The following EGFLAM variants were observed in gnomAD, a reference collection of about 807,000 sequenced individuals.
The protein encoded by EGFLAM is pikachurin.
In EGFLAM, 79 loss-of-function variants were observed where a neutral mutation model predicts 113.1. That is an observed-to-expected ratio of 0.70 (90% CI 0.58 to 0.84). The LOEUF is 0.84. EGFLAM is among the 40% of genes least tolerant of loss of function. The pLI is 0.00. For synonymous variants in EGFLAM, 504 were observed against 487.6 expected (o/e 1.03, Z -0.44); for missense variants, 1,265 against 1,291.6 (o/e 0.98, Z 0.32).
chr5:38,433,322 G>A (rs956137788), intron 15 of EGFLAM, among the ~76,000 whole-genome samples: 3 of 152,202 alleles, frequency 2.0e-5, no homozygotes, highest in Non-Finnish European at 4.4e-5. Context: ...GCTTGAGTCC[G>A]ACTATGCAAG....
At chr5:38,316,701 A>G (rs1738604738) in intron 1 of EGFLAM, among the ~76,000 whole-genome samples, 1 of 152,102 alleles carries the variant, frequency 6.6e-6, no homozygotes, top group Non-Finnish European at 1.5e-5. Flanking sequence ...CCATGTGCTC[A>G]CAGCATGCCC....
chr5:38,269,193 A>G (rs1240594407), intron 1 of EGFLAM, among the ~76,000 whole-genome samples: 1 of 152,126 alleles, frequency 6.6e-6, no homozygotes, highest in East Asian at 1.9e-4. Flanking sequence ...AGCAACAACA[A>G]CAACAACAAA....
At chr5:38,348,922 A>G (rs1001340759) in intron 3 of EGFLAM, among the ~76,000 whole-genome samples, 1 of 152,172 alleles carries the variant, frequency 6.6e-6, no homozygotes, top group Non-Finnish European at 1.5e-5. Flanking sequence ...GGCTTTAAAC[A>G]AATAGACTCC....
intron 3 of EGFLAM, 77 bp from the exon 4 acceptor site, chr5:38,350,424 A>T: frequency 1.4e-6 from 2 of 1,422,492 alleles, no homozygotes; most frequent in Non-Finnish European, 2.0e-6. Flanking sequence ...CTCGAGATAT[A>T]AACCTCATGG....
chr5:38,463,753 G>T, intron 21 of EGFLAM, 79 bp from the exon 22 acceptor site: 2 of 1,562,260 alleles, frequency 1.3e-6, no homozygotes, highest in South Asian at 1.2e-5. Flanking sequence ...CCATTCAAGT[G>T]CCCCAAACTG....
chr5:38,436,716 G>C (rs1420449646), intron 16 of EGFLAM, among the ~76,000 whole-genome samples: 2 of 152,142 alleles, frequency 1.3e-5, no homozygotes, highest in Non-Finnish European at 2.9e-5. Context: ...ACCCTCTCTT[G>C]CCTGATTCAC....
chr5:38,379,885 T>C (rs1740465760), intron 6 of EGFLAM, among the ~76,000 whole-genome samples: 1 of 151,578 alleles, frequency 6.6e-6, no homozygotes, highest in Non-Finnish European at 1.5e-5. Context: ...GCTAGCTTTG[T>C]TTGCTTTTAG....
At chr5:38,316,188 T>A (rs550965457) in intron 1 of EGFLAM, among the ~76,000 whole-genome samples, 64 of 152,198 alleles carry the variant, frequency 4.2e-4, no homozygotes, top group African/African-American at 1.4e-3. Flanking sequence ...GTTCTTTGGT[T>A]GGTTGGTTGC....
At chr5:38,281,601 T>C (rs1758022900) in intron 1 of EGFLAM, among the ~76,000 whole-genome samples, 1 of 152,226 alleles carries the variant, frequency 6.6e-6, no homozygotes, top group African/African-American at 2.4e-5. Context: ...CTGATGGTAA[T>C]AGCCATATGT....
intron 19 of EGFLAM, among the ~76,000 whole-genome samples, chr5:38,453,185 G>A (rs1742977366): frequency 1.3e-5 from 2 of 152,162 alleles, no homozygotes; most frequent in Non-Finnish European, 2.9e-5. Context: ...TTCCCCAGAC[G>A]ATTCTGATAC....
intron 1 of EGFLAM, among the ~76,000 whole-genome samples, chr5:38,267,387 C>G (rs1757658645): frequency 6.6e-6 from 1 of 152,190 alleles, no homozygotes; most frequent in South Asian, 2.1e-4. Context: ...AAACATAATA[C>G]TTAAATACAA....
chr5:38,358,608 T>C (rs1739830780), intron 5 of EGFLAM, among the ~76,000 whole-genome samples: 3 of 152,022 alleles, frequency 2.0e-5, no homozygotes, highest in Admixed American at 2.0e-4. Context: ...TTGTTCTTCA[T>C]CCAACTTCTA....
In EGFLAM at chr5:38,465,334, C is replaced by A. The variant is rs1424764742; in HGVS notation, c.*1348C>A. On this transcript the variant is annotated 3_prime_UTR_variant, in exon 22 of 22. Transcript: ENST00000322350. ...AAGGAGGGGGTGAAATATGATCTAACTTATGCAAGAGCCTATAATTAGTCC... is the reference window on the plus strand; with the variant it reads ...AAGGAGGGGGTGAAATATGATCTAAATTATGCAAGAGCCTATAATTAGTCC... Among the ~76,000 whole-genome samples, 1 of 152,214 alleles carries A rather than the reference C, an allele frequency of 6.6e-6. No individual in the cohort carries two copies. The highest frequency in any genetic ancestry group is 1.5e-5 in the Non-Finnish European group (1 of 68,048).
rs748843564 is a variant in EGFLAM, at chr5:38,418,096, C to A, written c.1525C>A (p.Pro509Thr). Reference protein sequence around the residue: ...GQYSKITFRTPLYLGGAPSAY... With the variant: ...GQYSKITFRTTLYLGGAPSAY... ...ATACAGTAAAATTACTTTCCGGACACCTCTCTATCTTGGTGGCGCTCCCAG... is the reference window on the plus strand; with the variant it reads ...ATACAGTAAAATTACTTTCCGGACAACTCTCTATCTTGGTGGCGCTCCCAG... Residue 509 changes from proline to threonine, a missense_variant, in exon 12 of 22, where the codon CCT becomes ACT. Pro to Thr is a conservative substitution (Grantham distance 38). Coordinates refer to ENST00000322350, the MANE Select transcript of EGFLAM (RefSeq NM_152403.4). 15 of 1,613,964 alleles carry A rather than the reference C, an allele frequency of 9.3e-6. No individual in the cohort carries two copies. Among genetic ancestry groups the A allele is most frequent in the Non-Finnish European group, 1.7e-6 (2 of 1,179,994 alleles).
Position 38,370,303 on chromosome 5 carries a change from T to G in EGFLAM, c.553T>G (p.Phe185Val). 1 of 1,613,452 alleles carries G rather than the reference T, an allele frequency of 6.2e-7. No individual in the cohort carries two copies. Among genetic ancestry groups the G allele is most frequent in the Non-Finnish European group, 8.5e-7 (1 of 1,179,488 alleles). ...YYSVEFIRPD[F>V]DKKWTSIHER... ...TTTTTCTAATCAATAAAGGCCAGAT[T>G]TCGACAAGAAGTGGACCTCAATCCA... The change falls in exon 6 of 22, where the codon TTC (phenylalanine) becomes GTC (valine). Residue 185 changes from phenylalanine (F) to valine (V), a missense_variant. Transcript: ENST00000322350.
intron 18 of EGFLAM, among the ~76,000 whole-genome samples, chr5:38,448,702 G>A (rs1447609316): frequency 1.3e-5 from 2 of 152,196 alleles, no homozygotes; most frequent in Non-Finnish European, 2.9e-5. Flanking sequence ...GAGAAACAGT[G>A]AGAATGTGAT....
intron 6 of EGFLAM, among the ~76,000 whole-genome samples, chr5:38,395,208 G>A (rs1449625486): frequency 6.6e-6 from 1 of 150,684 alleles, no homozygotes; most frequent in Non-Finnish European, 1.5e-5. Flanking sequence ...CCAAAGTGCT[G>A]GGATTATAGG....
intron 1 of EGFLAM, among the ~76,000 whole-genome samples, chr5:38,268,300 G>A (rs1757682209): frequency 6.6e-6 from 1 of 152,104 alleles, no homozygotes; most frequent in African/African-American, 2.4e-5. Context: ...TTCCTCCAAA[G>A]GGTGACTTGA....
intron 1 of EGFLAM, among the ~76,000 whole-genome samples, chr5:38,316,008 C>T (rs537340474): frequency 2.7e-5 from 4 of 145,982 alleles, no homozygotes; most frequent in African/African-American, 5.2e-5. Flanking sequence ...ACCCGGCATG[C>T]GGAGGTTGCA....
Sources: gnomAD v4.1 joint callset for allele counts (sites outside exome capture counted in the v4.1 genomes callset) on GRCh38, gnomAD v4.1.1 for gene constraint, MANE v1.5 for transcripts, NCBI Gene and HGNC (gene_info 2026-07-23, HGNC 2026-07-21) for gene names.